MAD1L1: variants seen among roughly 807,000 people sequenced by gnomAD.
MAD1L1 encodes the protein mitotic arrest deficient 1 like 1.
MAD1L1 carries 95 observed loss-of-function variants against 96.9 expected under a neutral mutation model. The ratio of observed to expected loss-of-function variants is 0.98; its 90% CI spans 0.83 to 1.16. The LOEUF (loss-of-function observed/expected upper bound fraction) is 1.16, where lower values mean the gene tolerates loss of function less well. MAD1L1 is among the 50% of genes most tolerant of loss of function. MAD1L1 has a pLI of 0.00. For missense variants in MAD1L1, 1,007 were observed against 954.4 expected (o/e 1.06, Z -0.73); for synonymous variants, 473 against 396.6 (o/e 1.19, Z -2.29).
chr7:2,053,905 G>A (rs1413839355), intron 12 of MAD1L1, among the ~76,000 whole-genome samples: 5 of 152,210 alleles, frequency 3.3e-5, no homozygotes, highest in East Asian at 1.9e-4. Flanking sequence ...ACGGAGACCC[G>A]AGGAGACAGC....
intron 11 of MAD1L1, among the ~76,000 whole-genome samples, chr7:2,106,311 G>A (rs1052852284): frequency 6.6e-6 from 1 of 151,808 alleles, no homozygotes; most frequent in African/African-American, 2.4e-5. Flanking sequence ...GACGGCCATG[G>A]TCACTCACAC....
At chr7:2,125,200 C>T (rs934402629) in intron 11 of MAD1L1, among the ~76,000 whole-genome samples, 8 of 152,130 alleles carry the variant, frequency 5.3e-5, no homozygotes, top group African/African-American at 9.7e-5. Context: ...GGCAAGTCAC[C>T]GCCACTGTTG....
At chr7:1,919,800 G>A (rs544460925) in intron 17 of MAD1L1, among the ~76,000 whole-genome samples, 21 of 152,362 alleles carry the variant, frequency 1.4e-4, no homozygotes, top group Admixed American at 1.1e-3. Flanking sequence ...ACAGTGTGTG[G>A]CAACCCCTCC....
At chr7:1,988,278 AG>A (rs1218377180) in intron 14 of MAD1L1, among the ~76,000 whole-genome samples, 2 of 152,162 alleles carry the variant, frequency 1.3e-5, no homozygotes, top group East Asian at 3.9e-4. Context: ...CACACCTCCC[AG>A]GGGCAACTCT....
intron 11 of MAD1L1, among the ~76,000 whole-genome samples, chr7:2,077,051 G>C (rs1785411946): frequency 1.3e-5 from 2 of 148,988 alleles, no homozygotes; most frequent in African/African-American, 5.1e-5. Context: ...GACTTGGTGA[G>C]CCCGCGGCAT....
At chr7:2,217,077 A>G (rs1793323450) in intron 7 of MAD1L1, among the ~76,000 whole-genome samples, 1 of 152,132 alleles carries the variant, frequency 6.6e-6, no homozygotes, top group Admixed American at 6.5e-5. Context: ...CTGGTCCAGG[A>G]TGGCACTCCA....
At chr7:2,089,276 T>C (rs946567535) in intron 11 of MAD1L1, 3 of 152,318 alleles carry the variant, frequency 2.0e-5, no homozygotes, top group Admixed American at 2.0e-4. Context: ...TCCCACAGGC[T>C]GTGGGAGGGA....
chr7:2,100,811 A>G (rs969896042), intron 11 of MAD1L1, among the ~76,000 whole-genome samples: 3 of 152,230 alleles, frequency 2.0e-5, no homozygotes, highest in Admixed American at 6.5e-5. Context: ...GGAGGGGAAC[A>G]GCTCGTTGCC....
At chr7:1,955,948 A>C (rs1583909549) in intron 16 of MAD1L1, among the ~76,000 whole-genome samples, 1 of 121,130 alleles carries the variant, frequency 8.3e-6, no homozygotes, top group African/African-American at 3.2e-5. Context: ...ATCTTAGACT[A>C]AACTTCTTTG....
In MAD1L1 at chr7:2,215,882, C is replaced by T; in HGVS notation, c.924+3G>A. 2.5e-6 allele frequency: 4 copies of T among 1,614,072 alleles called. No individual in the cohort carries two copies. Among genetic ancestry groups the T allele is most frequent in the Non-Finnish European group, 3.4e-6 (4 of 1,179,946 alleles). ...AGGAACCGCACACCACACAGGCCCT[C>T]ACCTCGTTCTCCAGCTCCAAGCCAA... On this transcript the variant is annotated splice_donor_region_variant and intron_variant, in intron 9 of 18. Transcript: ENST00000265854.
intron 11 of MAD1L1, among the ~76,000 whole-genome samples, chr7:2,113,970 T>C (rs969059194): frequency 6.6e-6 from 1 of 152,082 alleles, no homozygotes; most frequent in Non-Finnish European, 1.5e-5. Context: ...CCAAACGCCA[T>C]GGGGATCCCA....
chr7:2,129,546 C>T (rs1449226540), intron 11 of MAD1L1, among the ~76,000 whole-genome samples: 1 of 152,166 alleles, frequency 6.6e-6, no homozygotes, highest in Non-Finnish European at 1.5e-5. Flanking sequence ...ACACACGAGG[C>T]AGCAGGACAG....
At chr7:2,112,628 A>G (rs73035485) in intron 11 of MAD1L1, among the ~76,000 whole-genome samples, 4,128 of 152,350 alleles carry the variant, frequency 0.027, 97 homozygotes, top group South Asian at 0.09. Context: ...CCAAGGAGAC[A>G]GCACAGGAGG....
chr7:1,875,098 G>A (rs1785313199), intron 18 of MAD1L1, among the ~76,000 whole-genome samples: 1 of 152,146 alleles, frequency 6.6e-6, no homozygotes, highest in African/African-American at 2.4e-5. Context: ...CCAGGTGAAG[G>A]TCCCTTCCTT....
In MAD1L1 at chr7:1,968,425, T is replaced by C. The variant is rs1780265196; in HGVS notation, c.1506-10706A>G. Among the ~76,000 whole-genome samples, 1 of 148,936 alleles carries C rather than the reference T, an allele frequency of 6.7e-6. No homozygotes were observed. Among genetic ancestry groups the C allele is most frequent in the Admixed American group, 6.7e-5 (1 of 14,972 alleles). On this transcript the variant is annotated intron_variant, in intron 15 of 18. Coordinates refer to ENST00000265854, the MANE Select transcript of MAD1L1 (RefSeq NM_001013836.2). The surrounding 1 kb of genome is among the most constrained non-coding windows in gnomAD (Gnocchi z 5.6). ...CACTGTCCATGCCTCAGTCCGGCGATCAGGTCCACCGTCAACGCCAGCAGT... is the reference window on the plus strand; with the variant it reads ...CACTGTCCATGCCTCAGTCCGGCGACCAGGTCCACCGTCAACGCCAGCAGT...
At chr7:2,075,725 C>A (rs1423231625) in intron 11 of MAD1L1, among the ~76,000 whole-genome samples, 1 of 152,202 alleles carries the variant, frequency 6.6e-6, no homozygotes, top group Non-Finnish European at 1.5e-5. Flanking sequence ...CCTAAGAATA[C>A]CGACTTTCAA....
At position 1,863,895 on chromosome 7, in the gene MAD1L1, T is replaced by C. The variant is rs1407681831; in HGVS notation, c.1998+34305A>G. 4.6e-5 allele frequency among the ~76,000 whole-genome samples: 7 copies of C among 152,130 alleles called. No individual in the cohort carries two copies. The East Asian group carries it at 1.3e-3, about 29-fold the overall frequency. On this transcript the variant is annotated intron_variant, in intron 18 of 18. Coordinates refer to ENST00000265854, the MANE Select transcript of MAD1L1 (RefSeq NM_001013836.2). Reference sequence around the variant, plus strand: ...CAAGGTCAGGAGTTCAAGACCAGCCTGGCCAAGATGGTGAAACCCCGTCTC... The same window carrying C: ...CAAGGTCAGGAGTTCAAGACCAGCCCGGCCAAGATGGTGAAACCCCGTCTC...
At chr7:2,087,272 G>C (rs1785966403) in intron 11 of MAD1L1, among the ~76,000 whole-genome samples, 1 of 152,206 alleles carries the variant, frequency 6.6e-6, no homozygotes, top group Admixed American at 6.5e-5. Flanking sequence ...AGGCATGGTG[G>C]TTCATGCCTG....
chr7:1,985,582 C>G (rs1781102276), intron 14 of MAD1L1, among the ~76,000 whole-genome samples: 1 of 152,270 alleles, frequency 6.6e-6, no homozygotes, highest in African/African-American at 2.4e-5. Flanking sequence ...CGGCTCTCAA[C>G]AGCGAAGCCG....
Sources: allele counts gnomAD v4.1 joint callset (sites outside exome capture counted in the v4.1 genomes callset), GRCh38; gene constraint gnomAD v4.1.1; non-coding constraint Gnocchi (gnomAD v3.1); transcripts MANE v1.5; gene names NCBI Gene and HGNC (gene_info 2026-07-23, HGNC 2026-07-21).